FSTL5: variants seen among roughly 807,000 people sequenced by gnomAD.
FSTL5 encodes the protein follistatin-related protein 5.
In FSTL5, 62 loss-of-function variants were observed where a neutral mutation model predicts 89.1. The observed-to-expected ratio is 0.70, with a 90% CI of 0.57 to 0.86. FSTL5 has a LOEUF of 0.86. Ranked by LOEUF, FSTL5 falls within the 40% of genes least tolerant of loss-of-function variation. The pLI, the probability that FSTL5 is intolerant of heterozygous loss-of-function variation, is 0.00. For synonymous variants in FSTL5, 383 were observed against 346.2 expected, an observed-to-expected ratio of 1.11 and a Z score of -1.18; for missense variants, 1,057 against 1,001.6, an observed-to-expected ratio of 1.06 and a Z score of -0.75.
chr4:161,696,890 A>G (rs1738189022), intron 6 of FSTL5, among the ~76,000 whole-genome samples: 1 of 152,222 alleles, frequency 6.6e-6, no homozygotes, highest in South Asian at 2.1e-4. Flanking sequence ...TCCTCTCATC[A>G]GCAAACAACA....
At chr4:162,104,933 A>G (rs1219026999) in intron 2 of FSTL5, among the ~76,000 whole-genome samples, 1 of 152,190 alleles carries the variant, frequency 6.6e-6, no homozygotes, top group East Asian at 1.9e-4. Context: ...CCCCTTGTCA[A>G]CAGAATCATC....
At chr4:161,815,162 T>C (rs1730284702) in intron 4 of FSTL5, among the ~76,000 whole-genome samples, 1 of 151,990 alleles carries the variant, frequency 6.6e-6, no homozygotes, top group African/African-American at 2.4e-5. Context: ...TCTAAGCTCT[T>C]AAATATATTT....
At chr4:162,141,855 G>GGAAGTGTACACAGGTAGAAA (rs1426989738) in intron 1 of FSTL5, among the ~76,000 whole-genome samples, 2 of 152,020 alleles carry the variant, frequency 1.3e-5, no homozygotes, top group African/African-American at 2.4e-5. Flanking sequence ...GGAGTACTGA[G>GGAAGTGTACACAGGTAGAAA]GAAGTGTACA....
intron 3 of FSTL5, among the ~76,000 whole-genome samples, chr4:161,950,951 C>A (rs1403725942): frequency 2.0e-5 from 3 of 151,948 alleles, no homozygotes; most frequent in Non-Finnish European, 4.4e-5. Context: ...TTGGCTGTGT[C>A]CCCACCCAAA....
intron 4 of FSTL5, among the ~76,000 whole-genome samples, chr4:161,836,240 T>C (rs1334112313): frequency 7.7e-6 from 1 of 130,158 alleles, no homozygotes; most frequent in Admixed American, 9.7e-5. Flanking sequence ...CACTCATAGG[T>C]GGGAATTGAA....
At chr4:161,394,104 G>T (rs1227482169) in intron 15 of FSTL5, among the ~76,000 whole-genome samples, 1 of 152,008 alleles carries the variant, frequency 6.6e-6, no homozygotes, top group Non-Finnish European at 1.5e-5. Context: ...TTTCTAATAG[G>T]GTTCATTTGA....
chr4:161,974,768 A>C (rs1735585168), intron 3 of FSTL5, among the ~76,000 whole-genome samples: 1 of 140,364 alleles, frequency 7.1e-6, no homozygotes, highest in African/African-American at 2.7e-5. Flanking sequence ...TAATTAAACT[A>C]AAGAGCTTCT....
At chr4:161,701,482 A>C (rs2126730105) in intron 6 of FSTL5, among the ~76,000 whole-genome samples, 1 of 152,226 alleles carries the variant, frequency 6.6e-6, no homozygotes, top group South Asian at 2.1e-4. Context: ...TTTTTCCCTA[A>C]AAAGAAACAG....
At chr4:161,463,215 G>A (rs1311255429) in intron 13 of FSTL5, among the ~76,000 whole-genome samples, 3 of 152,010 alleles carry the variant, frequency 2.0e-5, no homozygotes, top group African/African-American at 7.2e-5. Flanking sequence ...TCTGCTCAAC[G>A]ATTTCCAAAA....
intron 1 of FSTL5, among the ~76,000 whole-genome samples, chr4:162,124,747 T>G (rs978972800): frequency 1.3e-5 from 2 of 152,164 alleles, no homozygotes; most frequent in Non-Finnish European, 2.9e-5. Flanking sequence ...TCGCCCAGGC[T>G]GGAGTGCAGT....
chr4:161,440,237 T>C (rs997707474), intron 15 of FSTL5, among the ~76,000 whole-genome samples: 3 of 152,074 alleles, frequency 2.0e-5, no homozygotes, highest in Non-Finnish European at 4.4e-5. Flanking sequence ...CTTAGTTTCA[T>C]AAATTTTTGT....
intron 7 of FSTL5, among the ~76,000 whole-genome samples, chr4:161,639,547 G>T (rs1735869690): frequency 6.6e-6 from 1 of 152,124 alleles, no homozygotes; most frequent in Non-Finnish European, 1.5e-5. Flanking sequence ...GAAGATGGTG[G>T]AGTACAAAGC....
At chr4:161,752,521 T>C (rs1740432491) in intron 6 of FSTL5, among the ~76,000 whole-genome samples, 1 of 152,224 alleles carries the variant, frequency 6.6e-6, no homozygotes, top group African/African-American at 2.4e-5. Context: ...CTTACATCTA[T>C]ATTGAAAGTC....
intron 2 of FSTL5, among the ~76,000 whole-genome samples, chr4:162,101,491 A>C (rs1353360222): frequency 1.3e-5 from 2 of 152,192 alleles, no homozygotes; most frequent in Non-Finnish European, 2.9e-5. Flanking sequence ...GGAAGACAGA[A>C]AATCTGGGTT....
chr4:161,480,906 A>G (rs566670170), intron 13 of FSTL5, 114 bp downstream of exon 13: 35 of 682,650 alleles, frequency 5.1e-5, no homozygotes, highest in Non-Finnish European at 7.0e-5. Flanking sequence ...TTTTCTAGTT[A>G]TCCAAGTAAG....
intron 1 of FSTL5, among the ~76,000 whole-genome samples, chr4:162,152,585 T>C (rs1406627244): frequency 6.6e-6 from 1 of 152,152 alleles, no homozygotes; most frequent in Non-Finnish European, 1.5e-5. Context: ...CTGTAGTTTC[T>C]CAAGCATGTG....
At chr4:161,467,874 A>C (rs566387414) in intron 13 of FSTL5, among the ~76,000 whole-genome samples, 3 of 152,140 alleles carry the variant, frequency 2.0e-5, no homozygotes, top group African/African-American at 7.2e-5. Flanking sequence ...TAAAAGATAA[A>C]TGTATGTATT....
At chr4:161,494,159 T>C in intron 12 of FSTL5, among the ~76,000 whole-genome samples, 1 of 152,160 alleles carries the variant, frequency 6.6e-6, no homozygotes. Context: ...TTGCAGGATA[T>C]CATTGTCACC....
intron 4 of FSTL5, among the ~76,000 whole-genome samples, chr4:161,890,006 C>A (rs922577878): frequency 6.6e-6 from 1 of 152,156 alleles, no homozygotes; most frequent in East Asian, 1.9e-4. Context: ...AAATCAGTGC[C>A]AATAATGAAG....
Sources: gnomAD v4.1 joint callset for allele counts (sites outside exome capture counted in the v4.1 genomes callset) on GRCh38, gnomAD v4.1.1 for gene constraint, MANE v1.5 for transcripts, NCBI Gene and HGNC (gene_info 2026-07-23, HGNC 2026-07-21) for gene names.